The following MALAT1 variants were observed in gnomAD, a reference collection of about 807,000 sequenced individuals.
MALAT1 encodes the protein hepcarcin.
At chr11:65,504,378 A>G (rs1200198947) in intron 3 of MALAT1, 1 of 518,272 alleles carries the variant, frequency 1.9e-6, no homozygotes, top group African/African-American at 1.9e-5. Context: ...TTCTGTTGGC[A>G]AGTAAATGCA....
At chr11:65,504,635 C>G in intron 3 of MALAT1, 1 of 518,888 alleles carries the variant, frequency 1.9e-6, no homozygotes, top group South Asian at 1.4e-5. Context: ...TGGGAGGGGA[C>G]TGAAGCCTTT....
chr11:65,506,454 A>G, downstream of MALAT1: 1 of 316,692 alleles, frequency 3.2e-6, no homozygotes, highest in South Asian at 2.7e-5. Flanking sequence ...TGTAATAAAA[A>G]TGGAGAAGCT....
intron 1 of MALAT1, chr11:65,498,219 G>A (rs775464437): frequency 1.9e-6 from 1 of 518,918 alleles, no homozygotes; most frequent in South Asian, 1.4e-5. Context: ...CATTCGCTTA[G>A]TTGGTCTACT....
exon 3 of MALAT1, chr11:65,503,894 CCT>C (rs775821050): frequency 3.9e-6 from 2 of 517,734 alleles, no homozygotes; most frequent in African/African-American, 3.9e-5. Flanking sequence ...GAATAAATAA[CCT>C]CTTAGACAGG....
chr11:65,500,783 G>A (rs1373142321), exon 3 of MALAT1: 1 of 518,938 alleles, frequency 1.9e-6, no homozygotes, highest in Non-Finnish European at 3.8e-6. Context: ...CGTGAGGTCG[G>A]CAATATGTTG....
exon 3 of MALAT1, chr11:65,503,777 G>T (rs368394535): frequency 1.9e-6 from 1 of 514,408 alleles, no homozygotes; most frequent in African/African-American, 1.9e-5. Flanking sequence ...GGATTTGAGC[G>T]GAAGAACGAA....
chr11:65,505,775 A>G (rs752173721), intron 3 of MALAT1: 1 of 518,214 alleles, frequency 1.9e-6, no homozygotes, highest in South Asian at 1.4e-5. Flanking sequence ...TAGCTCTATT[A>G]TAATACTTAT....
At chr11:65,504,104 G>C (rs1854618868) in intron 3 of MALAT1, 1 of 517,170 alleles carries the variant, frequency 1.9e-6, no homozygotes, top group South Asian at 1.4e-5. Context: ...GGGGGTGCCT[G>C]TGGGGTTTTA....
At chr11:65,498,727 T>G in exon 2 of MALAT1, 1 of 518,860 alleles carries the variant, frequency 1.9e-6, no homozygotes, top group Non-Finnish European at 3.8e-6. Context: ...CAAGAAGTGC[T>G]TTAAGAGGTA....
At chr11:65,504,588 A>C (rs1565056240) in intron 3 of MALAT1, 2 of 518,770 alleles carry the variant, frequency 3.9e-6, no homozygotes, top group Admixed American at 3.9e-5. Context: ...TTGCTGGTGT[A>C]TTTTTAGGTA....
chr11:65,504,405 G>C (rs760113544), intron 3 of MALAT1: 1 of 518,532 alleles, frequency 1.9e-6, no homozygotes, highest in Non-Finnish European at 3.8e-6. Flanking sequence ...TTCTGATCCC[G>C]CTGCTATTAG....
exon 3 of MALAT1, chr11:65,502,673 C>G (rs1484608560): frequency 2.0e-6 from 1 of 491,170 alleles, no homozygotes; most frequent in African/African-American, 2.0e-5. Flanking sequence ...TCATAACCAG[C>G]CTGGCAGTAT....
At chr11:65,506,094 G>T in intron 3 of MALAT1, 2 of 395,284 alleles carry the variant, frequency 5.1e-6, no homozygotes, top group South Asian at 1.9e-5. Flanking sequence ...CCTTTTTCTA[G>T]CTTAAAAAAA....
At chr11:65,499,115 GT>G (rs762654990) in exon 3 of MALAT1, 2 of 517,964 alleles carry the variant, frequency 3.9e-6, no homozygotes, top group Non-Finnish European at 7.7e-6. Flanking sequence ...CCGCAGATAA[GT>G]TTTTTTCTCT....
At chr11:65,505,590 G>C (rs1250979155) in intron 3 of MALAT1, 1 of 518,906 alleles carries the variant, frequency 1.9e-6, no homozygotes, top group East Asian at 5.4e-5. Context: ...ATCTAGCACA[G>C]ACCCTTCACC....
exon 3 of MALAT1, chr11:65,502,692 A>T: frequency 2.0e-6 from 1 of 506,374 alleles, no homozygotes; most frequent in Non-Finnish European, 3.9e-6. Context: ...ATGATGGCCT[A>T]GATGCAGAGA....
exon 3 of MALAT1, chr11:65,503,121 G>GTATC (rs768231116): frequency 3.9e-6 from 2 of 507,736 alleles, no homozygotes; most frequent in Non-Finnish European, 7.9e-6. Context: ...CCTCAGACAG[G>GTATC]TATCTCTTCG....
chr11:65,498,847 A>AT, intron 2 of MALAT1: 1 of 518,572 alleles, frequency 1.9e-6, no homozygotes. Flanking sequence ...CACGCTAGTA[A>AT]TTTAAGTATT....
chr11:65,502,115 G>A, exon 3 of MALAT1: 2 of 515,866 alleles, frequency 3.9e-6, no homozygotes, highest in South Asian at 2.8e-5. Flanking sequence ...GGCAAGGAAA[G>A]TGTCATAATT....
Sources: allele counts gnomAD v4.1 joint callset, GRCh38; gene constraint gnomAD v4.1.1; transcripts MANE v1.5; gene names NCBI Gene and HGNC (gene_info 2026-07-23, HGNC 2026-07-21).